The following PPFIA2 variants were observed in gnomAD, a reference collection of about 807,000 sequenced individuals.
The protein encoded by PPFIA2 is liprin-alpha-2.
A neutral mutation model predicts 175.5 loss-of-function variants in PPFIA2; 46 were observed. The ratio of observed to expected loss-of-function variants is 0.26; its 90% CI spans 0.21 to 0.34. The LOEUF (loss-of-function observed/expected upper bound fraction) is 0.34. Ranked by LOEUF, PPFIA2 falls within the 10% of genes least tolerant of loss-of-function variation. The pLI, the probability that PPFIA2 is intolerant of heterozygous loss-of-function variation, is 1.00. For synonymous variants in PPFIA2, 568 were observed against 511.4 expected (o/e 1.11, Z -1.49); for missense variants, 1,179 against 1,506.1 (o/e 0.78, Z 3.60).
rs904804964 is a variant in PPFIA2, at chr12:81,483,631, TA to T, written c.304-25766del. 9.9e-5 allele frequency among the ~76,000 whole-genome samples: 15 copies of T among 151,308 alleles called. No homozygotes were observed. The East Asian group carries it at 1.6e-3, about 16-fold the overall frequency. On this transcript the variant is annotated intron_variant, in intron 4 of 32. Coordinates refer to ENST00000549396, the MANE Select transcript of PPFIA2 (RefSeq NM_003625.5). ...AGGTTGCTCAACTCTGTGAATAAGC[TA>T]AAAAAAACACTGAACTATACACTTT...
intron 3 of PPFIA2, among the ~76,000 whole-genome samples, chr12:81,707,090 C>T (rs1307748559): frequency 6.6e-6 from 1 of 152,144 alleles, no homozygotes; most frequent in African/African-American, 2.4e-5. Flanking sequence ...CTAGGCATTA[C>T]CATTCAGGAC....
chr12:81,547,362 C>T lies in PPFIA2; in HGVS notation c.304-89496G>A, dbSNP rs1011022105. Among the ~76,000 whole-genome samples the T allele has an allele frequency of 4.0e-5, 6 of 151,840 alleles. No individual in the cohort carries two copies. In the South Asian group the frequency reaches 6.2e-4, roughly 16 times the overall value. ...TAACAACTGTTAACTTATTGACTAA[C>T]TTTTTTTTCTTTCCTTTTTTTTTTC... On this transcript the variant is annotated intron_variant, in intron 4 of 32. Coordinates refer to ENST00000549396, the MANE Select transcript of PPFIA2 (RefSeq NM_003625.5).
intron 3 of PPFIA2, among the ~76,000 whole-genome samples, chr12:81,695,294 T>C (rs995662082): frequency 2.0e-5 from 3 of 152,274 alleles, no homozygotes; most frequent in Non-Finnish European, 4.4e-5. Context: ...GTCCCAGTGC[T>C]GAAGATAGGG....
At chr12:81,674,130 C>T (rs145929684) in intron 4 of PPFIA2, among the ~76,000 whole-genome samples, 1 of 151,994 alleles carries the variant, frequency 6.6e-6, no homozygotes, top group Non-Finnish European at 1.5e-5. Context: ...TTTATGTGTA[C>T]CCACAGCAAA....
At chr12:81,339,046 C>G (rs2057593695) in intron 21 of PPFIA2, 134 bp downstream of exon 21, 3 of 845,760 alleles carry the variant, frequency 3.5e-6, no homozygotes, top group Non-Finnish European at 5.2e-6. Context: ...TAAAGCTAAT[C>G]AAAATATAAA....
chr12:81,749,651 C>A (rs1023232284), intron 3 of PPFIA2, among the ~76,000 whole-genome samples: 2 of 144,272 alleles, frequency 1.4e-5, no homozygotes, highest in Non-Finnish European at 3.1e-5. Flanking sequence ...TAGAAATGAT[C>A]ATCTTTTAGC....
intron 22 of PPFIA2, chr12:81,312,056 AGTGCAGC>A: frequency 9.5e-7 from 1 of 1,049,574 alleles, no homozygotes; most frequent in Non-Finnish European, 1.4e-6. Flanking sequence ...GGTCAGAGGC[AGTGCAGC>A]TTGTGTTACA....
intron 4 of PPFIA2, among the ~76,000 whole-genome samples, chr12:81,657,467 C>G (rs1335262379): frequency 6.6e-6 from 1 of 152,178 alleles, no homozygotes; most frequent in African/African-American, 2.4e-5. Context: ...GGCCTTCAGA[C>G]TCACCTTCTT....
intron 19 of PPFIA2, among the ~76,000 whole-genome samples, chr12:81,344,313 A>G (rs2058668361): frequency 6.6e-6 from 1 of 150,820 alleles, no homozygotes; most frequent in Non-Finnish European, 1.5e-5. Flanking sequence ...ATATTTGAAA[A>G]CAACGAGCAT....
intron 22 of PPFIA2, among the ~76,000 whole-genome samples, chr12:81,300,139 T>C (rs993030390): frequency 6.6e-6 from 1 of 152,196 alleles, no homozygotes; most frequent in Non-Finnish European, 1.5e-5. Flanking sequence ...ACCCTCTTAC[T>C]GATTTTTAGA....
At chr12:81,538,403 T>C (rs2065717030) in intron 4 of PPFIA2, among the ~76,000 whole-genome samples, 1 of 151,580 alleles carries the variant, frequency 6.6e-6, no homozygotes, top group South Asian at 2.1e-4. Flanking sequence ...CATAATGGAG[T>C]TTAGGTTCTA....
chr12:81,368,271 G>A (rs1205348673), intron 13 of PPFIA2: 1 of 710,732 alleles, frequency 1.4e-6, no homozygotes, highest in Non-Finnish European at 2.1e-6. Flanking sequence ...ACCCTCTACT[G>A]GGATTGATAC....
intron 4 of PPFIA2, among the ~76,000 whole-genome samples, chr12:81,594,161 C>T (rs2058993582): frequency 6.6e-6 from 1 of 152,052 alleles, no homozygotes; most frequent in African/African-American, 2.4e-5. Flanking sequence ...TTCCCTGAAA[C>T]CATCCCTTCC....
At chr12:81,471,283 C>T (rs1292728300) in intron 4 of PPFIA2, 1 of 151,628 alleles carries the variant, frequency 6.6e-6, no homozygotes, top group African/African-American at 2.4e-5. Context: ...GTGGCTGGGA[C>T]CATAGATACA....
intron 3 of PPFIA2, among the ~76,000 whole-genome samples, chr12:81,732,808 G>A (rs554313449): frequency 7.3e-5 from 11 of 151,372 alleles, no homozygotes; most frequent in Admixed American, 3.3e-4. Flanking sequence ...AAAGACCATC[G>A]ACCTAAATTG....
chr12:81,399,290 CAAAAAAAAAAAA>C (rs543794696), intron 8 of PPFIA2, among the ~76,000 whole-genome samples: 4 of 42,000 alleles, frequency 9.5e-5, no homozygotes, highest in East Asian at 1.5e-3. Flanking sequence ...TCCTTCTTCA[CAAAAAAAAAAAA>C]AAAAAAAAAA....
At chr12:81,584,933 T>G (rs1392512870) in intron 4 of PPFIA2, among the ~76,000 whole-genome samples, 1 of 116,930 alleles carries the variant, frequency 8.6e-6, no homozygotes, top group Non-Finnish European at 1.7e-5. Context: ...TATTTATATA[T>G]AATATATTAT....
At chr12:81,424,420 C>T (rs974041058) in intron 7 of PPFIA2, among the ~76,000 whole-genome samples, 22 of 152,122 alleles carry the variant, frequency 1.4e-4, no homozygotes, top group East Asian at 3.9e-4. Flanking sequence ...GTTATTTGAA[C>T]GAAATATGCT....
At chr12:81,467,381 T>C (rs931099632) in intron 4 of PPFIA2, among the ~76,000 whole-genome samples, 7 of 150,430 alleles carry the variant, frequency 4.7e-5, no homozygotes, top group Admixed American at 3.3e-4. Context: ...AAAACAGTTC[T>C]TAAAAGCTTT....
Sources: gnomAD v4.1 joint callset for allele counts (sites outside exome capture counted in the v4.1 genomes callset) on GRCh38, gnomAD v4.1.1 for gene constraint, MANE v1.5 for transcripts, NCBI Gene and HGNC (gene_info 2026-07-23, HGNC 2026-07-21) for gene names.